GNA14: variants seen among roughly 807,000 people sequenced by gnomAD.
GNA14 encodes G protein subunit alpha 14.
GNA14 carries 50 observed loss-of-function variants against 42.0 expected under a neutral mutation model. The ratio of observed to expected loss-of-function variants is 1.19; its 90% CI spans 0.95 to 1.51. The LOEUF is 1.51. GNA14 is among the 40% of genes most tolerant of loss of function. The pLI is 0.00. For missense variants in GNA14, 473 were observed against 446.2 expected, an observed-to-expected ratio of 1.06 and a Z score of -0.54; for synonymous variants, 173 against 163.1, an observed-to-expected ratio of 1.06 and a Z score of -0.46.
intron 2 of GNA14, among the ~76,000 whole-genome samples, chr9:77,437,578 GAGGAA>G (rs1398400881): frequency 6.6e-6 from 1 of 150,596 alleles, no homozygotes; most frequent in African/African-American, 2.4e-5. Flanking sequence ...GAGAGAGAGA[GAGGAA>G]GGGAAGGGAA....
intron 1 of GNA14, among the ~76,000 whole-genome samples, chr9:77,562,496 G>A (rs1822899768): frequency 6.6e-6 from 1 of 152,070 alleles, no homozygotes; most frequent in Admixed American, 6.6e-5. Flanking sequence ...GAAAATGGGA[G>A]GCTGATCCAG....
At chr9:77,483,337 T>C (rs1836596719) in intron 2 of GNA14, among the ~76,000 whole-genome samples, 2 of 152,344 alleles carry the variant, frequency 1.3e-5, no homozygotes, top group Middle Eastern at 6.8e-3. Context: ...CCTGTTTGCC[T>C]GGGCATCAGG....
At chr9:77,522,507 T>C (rs1837374501) in intron 2 of GNA14, among the ~76,000 whole-genome samples, 2 of 152,206 alleles carry the variant, frequency 1.3e-5, no homozygotes, top group Admixed American at 1.3e-4. Flanking sequence ...GGGTGGAGAT[T>C]AATTAGGTCA....
intron 1 of GNA14, among the ~76,000 whole-genome samples, chr9:77,568,968 G>T (rs567584307): frequency 6.6e-6 from 1 of 152,144 alleles, no homozygotes; most frequent in East Asian, 1.9e-4. Flanking sequence ...TCTGCTACTC[G>T]ATATTTTCAG....
At chr9:77,442,055 G>A (rs1835745174) in intron 2 of GNA14, among the ~76,000 whole-genome samples, 1 of 152,118 alleles carries the variant, frequency 6.6e-6, no homozygotes, top group African/African-American at 2.4e-5. Context: ...AAAATATTTT[G>A]CAAATATGCT....
chr9:77,561,952 T>C (rs1035729326), intron 1 of GNA14, among the ~76,000 whole-genome samples: 1 of 152,212 alleles, frequency 6.6e-6, no homozygotes, highest in African/African-American at 2.4e-5. Context: ...CTCTTTTGCT[T>C]CACTTCACTT....
chr9:77,638,643 C>T (rs192968821), intron 1 of GNA14, among the ~76,000 whole-genome samples: 62 of 152,162 alleles, frequency 4.1e-4, no homozygotes, highest in African/African-American at 1.4e-3. Flanking sequence ...GTGTACATTC[C>T]GAGAGGTAGG....
chr9:77,432,264 G>C (rs900845390), intron 3 of GNA14, among the ~76,000 whole-genome samples: 3 of 152,202 alleles, frequency 2.0e-5, no homozygotes, highest in South Asian at 4.1e-4. Context: ...GGGCTGAGCA[G>C]GTCCGCATGC....
chr9:77,647,215 C>T (rs1044548204), intron 1 of GNA14, among the ~76,000 whole-genome samples: 6 of 152,076 alleles, frequency 3.9e-5, no homozygotes, highest in African/African-American at 1.4e-4. Flanking sequence ...GTGGTGATGC[C>T]CTTAAGAACT....
Position 77,434,555 on chromosome 9 carries a change from A to G in GNA14, c.310-33T>C, listed in dbSNP as rs758788202. The G allele has an allele frequency of 7.9e-5, 126 of 1,594,696 alleles. No homozygotes were observed. The South Asian group carries it at 1.4e-3, about 17-fold the overall frequency. On this transcript the variant is annotated intron_variant, in intron 2 of 6. Coordinates refer to ENST00000341700, the MANE Select transcript of GNA14 (RefSeq NM_004297.4). ...AAGGAAAGAGAACCTTGCATCAGGCAAAGGAAAGGAAGCCAACCCATTGGC... is the reference window on the plus strand; with the variant it reads ...AAGGAAAGAGAACCTTGCATCAGGCGAAGGAAAGGAAGCCAACCCATTGGC...
chr9:77,630,716 T>C (rs981052078), intron 1 of GNA14, among the ~76,000 whole-genome samples: 1 of 152,202 alleles, frequency 6.6e-6, no homozygotes, highest in African/African-American at 2.4e-5. Flanking sequence ...ACTAGTTTTT[T>C]TTAGCTTATA....
intron 1 of GNA14, among the ~76,000 whole-genome samples, chr9:77,600,259 G>A (rs190675505): frequency 2.6e-4 from 39 of 152,260 alleles, no homozygotes; most frequent in African/African-American, 8.9e-4. Context: ...CGTGCAATTC[G>A]CACCAGTAAT....
At chr9:77,598,055 A>G (rs1372692285) in intron 1 of GNA14, among the ~76,000 whole-genome samples, 1 of 152,170 alleles carries the variant, frequency 6.6e-6, no homozygotes, top group Non-Finnish European at 1.5e-5. Flanking sequence ...AACAACAGAA[A>G]AAGCAAAAAA....
At position 77,529,203 on chromosome 9, in the gene GNA14, G is replaced by A. The variant is rs189447649; in HGVS notation, c.175C>T (p.His59Tyr). 5 of 1,613,870 alleles carry A rather than the reference G, an allele frequency of 3.1e-6. No individual in the cohort carries two copies. In the South Asian group the frequency reaches 3.3e-5, roughly 11 times the overall value. The stretch of plus-strand genomic sequence containing the variant: ...TCTTCGTCGCTGTAACCAGACCCAT[G>A]GATAATTCTCATCTGCTTGATAAAG... Reference protein sequence around the residue: ...STFIKQMRIIHGSGYSDEDRK... With the variant: ...STFIKQMRIIYGSGYSDEDRK... Residue 59 changes from histidine to tyrosine, a missense_variant, in exon 2 of 7, where the codon CAT becomes TAT. Transcript: ENST00000341700.
chr9:77,639,157 C>A (rs1824221570), intron 1 of GNA14, among the ~76,000 whole-genome samples: 1 of 152,006 alleles, frequency 6.6e-6, no homozygotes, highest in African/African-American at 2.4e-5. Context: ...CGCTGCCCAG[C>A]ATCTGAGCAC....
At chr9:77,483,605 C>A (rs1836603001) in intron 2 of GNA14, among the ~76,000 whole-genome samples, 1 of 152,174 alleles carries the variant, frequency 6.6e-6, no homozygotes, top group Admixed American at 6.5e-5. Context: ...AGCTGTCACA[C>A]AGGGACATTT....
At chr9:77,583,933 C>T (rs887370380) in intron 1 of GNA14, among the ~76,000 whole-genome samples, 3 of 152,156 alleles carry the variant, frequency 2.0e-5, no homozygotes, top group Non-Finnish European at 2.9e-5. Context: ...AAACACGATG[C>T]TCCATTGATC....
At chr9:77,527,823 C>T (rs1462645038) in intron 2 of GNA14, among the ~76,000 whole-genome samples, 2 of 152,224 alleles carry the variant, frequency 1.3e-5, no homozygotes, top group African/African-American at 2.4e-5. Context: ...TTAGTAGAGA[C>T]GGGGTTTCAC....
At chr9:77,458,145 C>A (rs561188144) in intron 2 of GNA14, among the ~76,000 whole-genome samples, 4 of 152,164 alleles carry the variant, frequency 2.6e-5, no homozygotes, top group Non-Finnish European at 5.9e-5. Context: ...TATTAACACC[C>A]CAGCCTTGCG....
Sources: gnomAD v4.1 joint callset for allele counts (sites outside exome capture counted in the v4.1 genomes callset) on GRCh38, gnomAD v4.1.1 for gene constraint, MANE v1.5 for transcripts, NCBI Gene and HGNC (gene_info 2026-07-23, HGNC 2026-07-21) for gene names.